The following KCNQ1OT1 variants were observed in gnomAD, a reference collection of about 807,000 sequenced individuals.
KCNQ1OT1 encodes KCNQ1 opposite strand/antisense transcript 1.
At chr11:2,680,064 T>G (rs1850365185) in exon 1 of KCNQ1OT1, 2 of 395,920 alleles carry the variant, frequency 5.1e-6, no homozygotes, top group African/African-American at 4.1e-5. Flanking sequence ...TGGCTAATTT[T>G]TTTTTTTATT....
rs1849777843 is a variant in KCNQ1OT1, at chr11:2,652,808, CAG to C, written n.47185_47186del. ...TACTCAGACCCCACCCTTGGGCCTGCAGAGACATTTCCGTTCACTCTGAGATT... is the reference window on the plus strand; with the variant it reads ...TACTCAGACCCCACCCTTGGGCCTGCAGACATTTCCGTTCACTCTGAGATT... On this transcript the variant is annotated non_coding_transcript_exon_variant, in exon 1 of 1. Coordinates refer to ENST00000597346, the Ensembl canonical transcript of KCNQ1OT1. The surrounding 1 kb of genome is among the most constrained non-coding windows in gnomAD (Gnocchi z 5.9). 5 of 399,126 alleles carry C rather than the reference CAG, an allele frequency of 1.3e-5. No individual in the cohort carries two copies. The highest frequency in any genetic ancestry group is 8.8e-5 in the Admixed American group (2 of 22,754). 24.7% of individuals were successfully genotyped at this position (399,126 alleles called of 1,614,324 possible). A position where few individuals can be genotyped will look rare whatever the true frequency, so the allele number is the denominator to read the frequency against.
chr11:2,627,328 C>T lies in KCNQ1OT1; in HGVS notation n.72667G>A, dbSNP rs562617612. On this transcript the variant is annotated non_coding_transcript_exon_variant, in exon 1 of 1. Coordinates refer to ENST00000597346, the Ensembl canonical transcript of KCNQ1OT1. The surrounding 1 kb of genome is among the most constrained non-coding windows in gnomAD (Gnocchi z 4.9). ...TGTGTGCGTGTGTGTGGTCAGAATA[C>T]CTAAGCTATACTCTCTTAGCAAATT... 1.7e-4 allele frequency: 68 copies of T among 398,468 alleles called. No individual in the cohort carries two copies. The South Asian group carries it at 3.3e-3, about 19-fold the overall frequency. 24.7% of individuals were successfully genotyped at this position (398,468 alleles called of 1,614,324 possible).
chr11:2,680,168 G>A (rs865810064), exon 1 of KCNQ1OT1: 23 of 394,242 alleles, frequency 5.8e-5, no homozygotes, highest in Middle Eastern at 1.3e-3. Context: ...CTGGGATTAC[G>A]GGCGTGAGCC....
At chr11:2,628,590 C>T (rs1386509804) in exon 1 of KCNQ1OT1, 6 of 398,272 alleles carry the variant, frequency 1.5e-5, no homozygotes, top group Non-Finnish European at 2.2e-5. Flanking sequence ...GCTACATGTG[C>T]TGCCTTTTCA....
exon 1 of KCNQ1OT1, chr11:2,641,735 A>G: frequency 2.5e-6 from 1 of 398,340 alleles, no homozygotes; most frequent in Non-Finnish European, 4.4e-6. Context: ...GTGTTTCCCC[A>G]ATGTCTCCTT....
rs1590033012 is a variant in KCNQ1OT1 at position 2,687,741 on chromosome 11, G to A, written n.12254C>T. On this transcript the variant is annotated non_coding_transcript_exon_variant, in exon 1 of 1. Coordinates refer to ENST00000597346, the Ensembl canonical transcript of KCNQ1OT1. The surrounding 1 kb of genome is among the most constrained non-coding windows in gnomAD (Gnocchi z 5.0). ...TTCAAGCCAGTAACCAGCAAATCAT[G>A]GGGAGACTGAGAAGAGGAGCCCCTT... The A allele has an allele frequency of 2.5e-5, 10 of 398,608 alleles. No individual in the cohort carries two copies. The East Asian group carries it at 3.2e-4, about 13-fold the overall frequency. 24.7% of individuals were successfully genotyped at this position (398,608 alleles called of 1,614,324 possible). A position where few individuals can be genotyped will look rare whatever the true frequency, so the allele number is the denominator to read the frequency against.
exon 1 of KCNQ1OT1, chr11:2,639,360 T>C (rs1401054425): frequency 6.6e-6 from 1 of 152,226 alleles, no homozygotes; most frequent in African/African-American, 2.4e-5. Flanking sequence ...CCTTTGGTCT[T>C]TGATGATGGT....
Position 2,651,684 on chromosome 11 carries a change from G to A in KCNQ1OT1, n.48311C>T. 2 of 398,590 alleles carry A rather than the reference G, an allele frequency of 5.0e-6. No individual in the cohort carries two copies. The highest frequency in any genetic ancestry group is 8.8e-5 in the Admixed American group (2 of 22,738). 24.7% of individuals were successfully genotyped at this position (398,590 alleles called of 1,614,324 possible). A position where few individuals can be genotyped will look rare whatever the true frequency, so the allele number is the denominator to read the frequency against. On this transcript the variant is annotated non_coding_transcript_exon_variant, in exon 1 of 1. Transcript: ENST00000597346. The surrounding 1 kb of genome is among the most constrained non-coding windows in gnomAD (Gnocchi z 6.1). ...ACTGACATTAGCCACGTGGCCCTCT[G>A]TTTCCTGTAATAGGCCATTTCCTAA...
chr11:2,632,253 GAATT>G (rs969929761), exon 1 of KCNQ1OT1: 29 of 395,148 alleles, frequency 7.3e-5, no homozygotes, highest in Middle Eastern at 6.3e-4. Context: ...CTACTTTGCT[GAATT>G]AATTTATTCA....
exon 1 of KCNQ1OT1, chr11:2,631,476 TTAATGA>T (rs1849352167): frequency 7.6e-6 from 3 of 395,984 alleles, no homozygotes; most frequent in Non-Finnish European, 1.3e-5. Flanking sequence ...CTTTTGTGTA[TTAATGA>T]TTTCATTAGG....
Position 2,627,558 on chromosome 11 carries a change from T to C in KCNQ1OT1, n.72437A>G, listed in dbSNP as rs947319303. On this transcript the variant is annotated non_coding_transcript_exon_variant, in exon 1 of 1. Coordinates refer to ENST00000597346, the Ensembl canonical transcript of KCNQ1OT1. This position sits in a 1 kb window ranked among gnomAD's most constrained non-coding sequence, Gnocchi z 4.9. Reference sequence around the variant, plus strand: ...TAACTGGGATAGTGCAGTATTTGTCTTTCTGTGTCTGGCTATTTCACTTAG... The same window carrying C: ...TAACTGGGATAGTGCAGTATTTGTCCTTCTGTGTCTGGCTATTTCACTTAG... 4.8e-5 allele frequency: 19 copies of C among 398,608 alleles called. No homozygotes were observed. The highest frequency in any genetic ancestry group is 3.9e-4 in the African/African-American group (19 of 48,746). 24.7% of individuals were successfully genotyped at this position (398,608 alleles called of 1,614,324 possible). A position where few individuals can be genotyped will look rare whatever the true frequency, so the allele number is the denominator to read the frequency against.
chr11:2,610,995 T>C, exon 1 of KCNQ1OT1: 2 of 398,486 alleles, frequency 5.0e-6, no homozygotes, highest in Non-Finnish European at 8.8e-6. Flanking sequence ...ATTGTTGAGT[T>C]GTCTATTATT....
At chr11:2,643,028 T>C (rs1431102112) in exon 1 of KCNQ1OT1, 4 of 397,890 alleles carry the variant, frequency 1.0e-5, no homozygotes, top group Non-Finnish European at 1.8e-5. Context: ...ATATGTGATA[T>C]GAATCCAATT....
chr11:2,689,587 T>C (rs1455978619), exon 1 of KCNQ1OT1: 1 of 398,526 alleles, frequency 2.5e-6, no homozygotes, highest in Non-Finnish European at 4.4e-6. Flanking sequence ...AGCAGTGGTG[T>C]CTTCTAGATT....
exon 1 of KCNQ1OT1, chr11:2,640,993 G>A (rs757059954): frequency 2.5e-6 from 1 of 398,542 alleles, no homozygotes; most frequent in Non-Finnish European, 4.4e-6. Context: ...CAAAGGACAT[G>A]ATTTCATTCT....
chr11:2,633,101 A>G (rs1053173479), exon 1 of KCNQ1OT1: 12 of 398,376 alleles, frequency 3.0e-5, no homozygotes, highest in African/African-American at 2.1e-4. Flanking sequence ...TTTTGAAAAC[A>G]GCCATTCTAA....
chr11:2,663,126 G>T lies in KCNQ1OT1; in HGVS notation n.36869C>A. 1 of 398,694 alleles carries T rather than the reference G, an allele frequency of 2.5e-6. No individual in the cohort carries two copies. Among genetic ancestry groups the T allele is most frequent in the South Asian group, 1.3e-4 (1 of 7,840 alleles). 24.7% of individuals were successfully genotyped at this position (398,694 alleles called of 1,614,324 possible). A position where few individuals can be genotyped will look rare whatever the true frequency, so the allele number is the denominator to read the frequency against. Reference sequence around the variant, plus strand: ...AGTGGCTATCTTAAGGGGTAATTATGATCAGACAGGACCTGCCCACTGTCT... The same window carrying T: ...AGTGGCTATCTTAAGGGGTAATTATTATCAGACAGGACCTGCCCACTGTCT... On this transcript the variant is annotated non_coding_transcript_exon_variant, in exon 1 of 1. Transcript: ENST00000597346. This position sits in a 1 kb window ranked among gnomAD's most constrained non-coding sequence, Gnocchi z 5.2.
Position 2,687,489 on chromosome 11 carries a change from C to G in KCNQ1OT1, n.12506G>C, listed in dbSNP as rs1850510588. 1 of 398,692 alleles carries G rather than the reference C, an allele frequency of 2.5e-6. No individual in the cohort carries two copies. Among genetic ancestry groups the G allele is most frequent in the Admixed American group, 4.4e-5 (1 of 22,722 alleles). The allele number at this position is 398,692 out of a possible 1,614,324, so 24.7% of individuals were successfully genotyped here. On this transcript the variant is annotated non_coding_transcript_exon_variant, in exon 1 of 1. Coordinates refer to ENST00000597346, the Ensembl canonical transcript of KCNQ1OT1. This position sits in a 1 kb window ranked among gnomAD's most constrained non-coding sequence, Gnocchi z 5.0. ...CTGCAGCATTTCAATAGGGCCATCC[C>G]AGGCACCCTAGGACTTGAGACCAGC...
chr11:2,652,603 C>T lies in KCNQ1OT1; in HGVS notation n.47392G>A, dbSNP rs1849773718. ...GGCTGCTCTTGCTGCCTGGAACCTTCCCCTGAAAATGTGTCTTGGGAGACC... is the reference window on the plus strand; with the variant it reads ...GGCTGCTCTTGCTGCCTGGAACCTTTCCCTGAAAATGTGTCTTGGGAGACC... On this transcript the variant is annotated non_coding_transcript_exon_variant, in exon 1 of 1. Coordinates refer to ENST00000597346, the Ensembl canonical transcript of KCNQ1OT1. This position sits in a 1 kb window ranked among gnomAD's most constrained non-coding sequence, Gnocchi z 5.9. 2.5e-6 allele frequency: 1 copy of T among 398,598 alleles called. No homozygotes were observed. The highest frequency in any genetic ancestry group is 3.6e-5 in the East Asian group (1 of 28,058). The allele number at this position is 398,598 out of a possible 1,614,324, so 24.7% of individuals were successfully genotyped here. A position where few individuals can be genotyped will look rare whatever the true frequency, so the allele number is the denominator to read the frequency against.
Sources: allele counts gnomAD v4.1 joint callset, GRCh38; gene constraint gnomAD v4.1.1; non-coding constraint Gnocchi (gnomAD v3.1); transcripts MANE v1.5; gene names NCBI Gene and HGNC (gene_info 2026-07-23, HGNC 2026-07-21).